Variants in TFB1M observed in about 807,000 individuals in gnomAD.
TFB1M encodes transcription factor B1, mitochondrial.
TFB1M carries 27 observed loss-of-function variants against 31.1 expected under a neutral mutation model. The observed-to-expected ratio is 0.87, with a 90% CI of 0.64 to 1.20. The LOEUF is 1.20. Among genes scored for constraint, TFB1M ranks in the 50% most tolerant of loss-of-function variants. The pLI is 0.00. For synonymous variants in TFB1M, 166 were observed against 151.8 expected (o/e 1.09, Z -0.69); for missense variants, 394 against 418.7 (o/e 0.94, Z 0.51).
chr6:155,248,181 TGAGGCGGCGGCGGCACCTCCGGGC>T, the TFB1M span: 45 of 1,612,206 alleles, frequency 2.8e-5, no homozygotes, highest in Non-Finnish European at 3.7e-5. Context: ...ACCTGACGGG[TGAGGCGGCGGCGGCACCTCCGGGC>T]GAGGGCCTGC....
chr6:155,240,495 C>T, the TFB1M span: 5 of 1,574,902 alleles, frequency 3.2e-6, no homozygotes, highest in Non-Finnish European at 3.5e-6. Flanking sequence ...AGGGAGAGGC[C>T]CGTGCATTAT....
At chr6:155,271,515 T>C (rs1784913510) in intron 5 of TFB1M, among the ~76,000 whole-genome samples, 1 of 152,164 alleles carries the variant, frequency 6.6e-6, no homozygotes, top group African/African-American at 2.4e-5. Context: ...TAGTCAAAAG[T>C]TGTTGCTGGG....
downstream of TFB1M, chr6:155,251,842 C>CA: frequency 4.6e-6 from 4 of 861,494 alleles, no homozygotes; most frequent in Non-Finnish European, 7.4e-6. Context: ...CTTAGAGACT[C>CA]ATACGTTTGG....
chr6:155,249,397 C>G, the TFB1M span, among the ~76,000 whole-genome samples: 1 of 152,210 alleles, frequency 6.6e-6, no homozygotes, highest in South Asian at 2.1e-4. Flanking sequence ...TAAGCCCAGT[C>G]AGGCTTGGGT....
At chr6:155,276,094 C>G in intron 5 of TFB1M, 4 of 1,614,176 alleles carry the variant, frequency 2.5e-6, no homozygotes, top group Non-Finnish European at 3.4e-6. Context: ...GAGTCTGTTT[C>G]ATGTCTGCAG....
rs891243687 is a variant in TFB1M at position 155,294,203 on chromosome 6, C to T, written c.546+2750G>A. Among the ~76,000 whole-genome samples the T allele has an allele frequency of 3.3e-5, 5 of 152,146 alleles. No homozygotes were observed. In the East Asian group the frequency reaches 7.7e-4, roughly 23 times the overall value. Reference sequence around the variant, plus strand: ...CTTCACTATACACAGAGATCAAACCCGAGTGGACTATAGATATAAATGTGA... The same window carrying T: ...CTTCACTATACACAGAGATCAAACCTGAGTGGACTATAGATATAAATGTGA... On this transcript the variant is annotated intron_variant, in intron 4 of 6. Transcript: ENST00000367166.
At chr6:155,261,644 A>T (rs1253532431) in intron 5 of TFB1M, among the ~76,000 whole-genome samples, 2 of 152,212 alleles carry the variant, frequency 1.3e-5, no homozygotes, top group African/African-American at 4.8e-5. Context: ...GAGCTGTGTC[A>T]TCAAGGCCCC....
chr6:155,256,501 A>C lies in TFB1M; in HGVS notation c.*1335T>G. 3 of 1,614,216 alleles carry C rather than the reference A, an allele frequency of 1.9e-6. No individual in the cohort carries two copies. Among genetic ancestry groups the C allele is most frequent in the Non-Finnish European group, 2.5e-6 (3 of 1,180,048 alleles). ...CACTGTAGCTTCATCCAGGTCTTTA[A>C]AAGTCCTGAAGAATTCCTCCAGCAA... On this transcript the variant is annotated 3_prime_UTR_variant, in exon 7 of 7. Transcript: ENST00000367166.
chr6:155,272,691 C>A (rs559817438), intron 5 of TFB1M, among the ~76,000 whole-genome samples: 2 of 152,130 alleles, frequency 1.3e-5, no homozygotes, highest in East Asian at 3.9e-4. Flanking sequence ...ATTTGGAGAA[C>A]AAATTCTTTC....
At chr6:155,247,338 G>T in the TFB1M span, among the ~76,000 whole-genome samples, 1 of 151,274 alleles carries the variant, frequency 6.6e-6, no homozygotes, top group South Asian at 2.1e-4. Flanking sequence ...TTTTGATGTT[G>T]TTTTTTTTGA....
chr6:155,261,606 G>A (rs1305512772), intron 5 of TFB1M, among the ~76,000 whole-genome samples: 4 of 152,134 alleles, frequency 2.6e-5, no homozygotes, highest in Non-Finnish European at 4.4e-5. Context: ...ACAGCCTGAC[G>A]CGCTTGTGGG....
intron 4 of TFB1M, among the ~76,000 whole-genome samples, chr6:155,289,293 G>A (rs1488880830): frequency 6.6e-6 from 1 of 152,134 alleles, no homozygotes; most frequent in African/African-American, 2.4e-5. Flanking sequence ...AAAGAACACA[G>A]GGCCAGCAGC....
At chr6:155,235,879 A>G in the TFB1M span, among the ~76,000 whole-genome samples, 2 of 152,222 alleles carry the variant, frequency 1.3e-5, no homozygotes, top group Non-Finnish European at 2.9e-5. Context: ...TTAACACTGC[A>G]TTGTTAGGTG....
chr6:155,281,962 T>C (rs955389723), intron 5 of TFB1M, among the ~76,000 whole-genome samples: 1 of 151,984 alleles, frequency 6.6e-6, no homozygotes, highest in African/African-American at 2.4e-5. Context: ...CAGAGGCTAA[T>C]AGAGAAAAGC....
At chr6:155,273,402 G>A (rs1382007884) in intron 5 of TFB1M, among the ~76,000 whole-genome samples, 1 of 152,192 alleles carries the variant, frequency 6.6e-6, no homozygotes, top group African/African-American at 2.4e-5. Flanking sequence ...ATGTCTTAGA[G>A]AATCAATGTT....
chr6:155,254,141 TC>T (rs2115364871), downstream of TFB1M: 6 of 1,443,094 alleles, frequency 4.2e-6, no homozygotes, highest in African/African-American at 4.3e-5. Flanking sequence ...TTTAGTGCCC[TC>T]CTGAATTTTG....
the TFB1M span, among the ~76,000 whole-genome samples, chr6:155,239,268 T>G: frequency 6.6e-6 from 1 of 152,324 alleles, no homozygotes; most frequent in Middle Eastern, 3.4e-3. Context: ...TGGCTGTTAA[T>G]GGATGCCAGT....
chr6:155,266,846 CAAAAAAAAA>C, intron 5 of TFB1M, among the ~76,000 whole-genome samples: 1 of 62,840 alleles, frequency 1.6e-5, no homozygotes, highest in East Asian at 5.1e-4. Context: ...GACTCCGTCT[CAAAAAAAAA>C]AAAAAAAAAA....
intron 4 of TFB1M, among the ~76,000 whole-genome samples, chr6:155,286,175 T>A (rs1776617904): frequency 6.6e-6 from 1 of 152,104 alleles, no homozygotes; most frequent in African/African-American, 2.4e-5. Context: ...GTGACACCGG[T>A]GTAATTAGAT....
Sources: gnomAD v4.1 joint callset for allele counts (sites outside exome capture counted in the v4.1 genomes callset) on GRCh38, gnomAD v4.1.1 for gene constraint, MANE v1.5 for transcripts, NCBI Gene and HGNC (gene_info 2026-07-23, HGNC 2026-07-21) for gene names.